The following LIMD1 variants were observed in gnomAD, a reference collection of about 807,000 sequenced individuals.
The protein encoded by LIMD1 is LIM domain containing 1.
A neutral mutation model predicts 58.4 loss-of-function variants in LIMD1; 23 were observed. The observed-to-expected ratio is 0.39, with a 90% confidence interval of 0.28 to 0.56. LIMD1 has a LOEUF of 0.56. Among genes scored for constraint, LIMD1 ranks in the 20% least tolerant of loss-of-function variants. The pLI is 0.57. For synonymous variants in LIMD1, 334 were observed against 345.5 expected (o/e 0.97, Z 0.37); for missense variants, 838 against 855.5 (o/e 0.98, Z 0.25).
At chr3:45,617,819 C>T (rs748541633) in intron 1 of LIMD1, among the ~76,000 whole-genome samples, 3 of 152,050 alleles carry the variant, frequency 2.0e-5, no homozygotes, top group Non-Finnish European at 4.4e-5. Context: ...GAAGGGCTGT[C>T]GGTGGGGAAA....
intron 1 of LIMD1, among the ~76,000 whole-genome samples, chr3:45,635,219 C>G (rs1259244344): frequency 6.6e-6 from 1 of 152,086 alleles, no homozygotes; most frequent in East Asian, 1.9e-4. Flanking sequence ...GCCCAGGTGA[C>G]AGAGTGAGAC....
At chr3:45,669,384 G>A (rs965040988) in intron 4 of LIMD1, among the ~76,000 whole-genome samples, 1 of 152,156 alleles carries the variant, frequency 6.6e-6, no homozygotes, top group Non-Finnish European at 1.5e-5. Context: ...TTTCATTCTA[G>A]AGAAGATAAT....
intron 2 of LIMD1, among the ~76,000 whole-genome samples, chr3:45,657,884 CAT>C (rs1697360909): frequency 1.3e-5 from 2 of 152,154 alleles, no homozygotes; most frequent in South Asian, 2.1e-4. Context: ...ATGACATTGA[CAT>C]GTGATGTGTT....
rs1387138404 is a variant in LIMD1 at position 45,665,839 on chromosome 3, C to T, written c.1578+122C>T. On this transcript the variant is annotated intron_variant, in intron 3 of 7. Transcript: ENST00000273317. The stretch of plus-strand genomic sequence containing the variant: ...TGCTGGAGAGAGGGGCCCTGCCTTT[C>T]CTTCTGTAGATACTTGGGGGTGGCC... The T allele has an allele frequency of 8.5e-5, 69 of 807,258 alleles. No individual in the cohort carries two copies. The South Asian group carries it at 1.1e-3, about 13-fold the overall frequency. 50.0% of individuals were successfully genotyped at this position (807,258 alleles called of 1,614,324 possible). A position where few individuals can be genotyped will look rare whatever the true frequency, so the allele number is the denominator to read the frequency against.
At chr3:45,634,175 C>T (rs1470220105) in intron 1 of LIMD1, among the ~76,000 whole-genome samples, 3 of 152,154 alleles carry the variant, frequency 2.0e-5, no homozygotes, top group African/African-American at 7.2e-5. Context: ...TAAAAAACTA[C>T]AGAAAATGTA....
In LIMD1 at chr3:45,595,746, T is replaced by C; in HGVS notation, c.867T>C (p.Pro289=). 1 of 1,614,086 alleles carries C rather than the reference T, an allele frequency of 6.2e-7. No homozygotes were observed. Among genetic ancestry groups the C allele is most frequent in the African/African-American group, 1.3e-5 (1 of 75,050 alleles). ...AGAACGGAGCACCAGCTGTGGGGCC[T>C]GTTCAGCCCAGGACCCCTTCTGTGT... ...NLENGAPAVG[P]VQPRTPSVSA... Residue 289 remains proline (P), a synonymous_variant, in exon 1 of 8, where the codon CCT becomes CCC. Transcript: ENST00000273317.
chr3:45,601,793 A>G (rs1158838233), intron 1 of LIMD1, among the ~76,000 whole-genome samples: 3 of 152,086 alleles, frequency 2.0e-5, no homozygotes, highest in Non-Finnish European at 2.9e-5. Context: ...TGCTCTGACC[A>G]CTTGCATGGT....
In LIMD1 at chr3:45,676,941, A is replaced by T; in HGVS notation, c.1913A>T (p.Asn638Ile). The T allele has an allele frequency of 6.2e-7, 1 of 1,614,140 alleles. No individual in the cohort carries two copies. The highest frequency in any genetic ancestry group is 1.7e-5 in the Admixed American group (1 of 60,036). ...YHCEDCGLELNDEDGHRCYPL... is the reference protein window; with the variant it reads ...YHCEDCGLELIDEDGHRCYPL... ...CCACAGGACTGTGGTCTGGAGCTCA[A>T]TGATGAAGATGGCCACCGCTGTTAT... Residue 638 changes from asparagine to isoleucine, a missense_variant, in exon 8 of 8, where the codon AAT (asparagine) becomes ATT (isoleucine). Transcript: ENST00000273317.
intron 2 of LIMD1, among the ~76,000 whole-genome samples, chr3:45,654,572 T>G (rs1450912472): frequency 6.6e-6 from 1 of 152,074 alleles, no homozygotes; most frequent in East Asian, 1.9e-4. Context: ...CTCACACCTG[T>G]AATCCCAGCA....
intron 2 of LIMD1, among the ~76,000 whole-genome samples, chr3:45,658,535 C>CTTTTTTTTTTTTTTTTTTTTTTTTTT (rs10572210): frequency 4.5e-5 from 2 of 44,736 alleles, no homozygotes; most frequent in Non-Finnish European, 9.0e-5. Context: ...CATGCAGATT[C>CTTTTTTTTTTTTTTTTTTTTTTTTTT]TTTTTTTTTT....
At position 45,677,224 on chromosome 3, in the gene LIMD1, C is replaced by T. The variant is rs1169458576; in HGVS notation, c.*165C>T. On this transcript the variant is annotated 3_prime_UTR_variant, in exon 8 of 8. Coordinates refer to ENST00000273317, the MANE Select transcript of LIMD1 (RefSeq NM_014240.3). The stretch of plus-strand genomic sequence containing the variant: ...CCTTTCCTTTAACCAGGGAGGTGAA[C>T]ACTACCTGCCTCCTGCGTGTATTTT... 2 of 644,236 alleles carry T rather than the reference C, an allele frequency of 3.1e-6. No individual in the cohort carries two copies. The highest frequency in any genetic ancestry group is 5.3e-6 in the Non-Finnish European group (2 of 378,714). 39.9% of individuals were successfully genotyped at this position (644,236 alleles called of 1,614,324 possible). A position where few individuals can be genotyped will look rare whatever the true frequency, so the allele number is the denominator to read the frequency against.
chr3:45,673,554 A>G, intron 6 of LIMD1, 49 bp downstream of exon 6: 2 of 1,388,308 alleles, frequency 1.4e-6, no homozygotes, highest in Non-Finnish European at 1.0e-6. Flanking sequence ...AGACATGAAT[A>G]TCTCCCTGGG....
chr3:45,667,458 G>T (rs1308057256), intron 3 of LIMD1, among the ~76,000 whole-genome samples: 1 of 151,786 alleles, frequency 6.6e-6, no homozygotes, highest in Admixed American at 6.6e-5. Context: ...GTTGCAGAAA[G>T]TTTCCCTTTT....
chr3:45,658,327 C>T (rs925820146), intron 2 of LIMD1, among the ~76,000 whole-genome samples: 5 of 151,982 alleles, frequency 3.3e-5, no homozygotes, highest in African/African-American at 1.2e-4. Flanking sequence ...CAGACGTAGT[C>T]CCCCAACCCC....
At chr3:45,631,821 G>A (rs1575352439) in intron 1 of LIMD1, among the ~76,000 whole-genome samples, 1 of 152,328 alleles carries the variant, frequency 6.6e-6, no homozygotes, top group East Asian at 1.9e-4. Context: ...GTAGGAGAGG[G>A]TGCTGGATTT....
rs1701327007 is a variant in LIMD1, at chr3:45,594,929, A to C, written c.50A>C (p.Asp17Ala). The C allele has an allele frequency of 6.2e-7, 1 of 1,612,860 alleles. No individual in the cohort carries two copies. Among genetic ancestry groups the C allele is most frequent in the South Asian group, 1.1e-5 (1 of 91,016 alleles). ...LGLEASKFIE[D>A]LNMYEASKDG... ...CTGGAGGCCAGTAAATTCATCGAGGACCTGAACATGTATGAGGCCTCTAAG... is the reference window on the plus strand; with the variant it reads ...CTGGAGGCCAGTAAATTCATCGAGGCCCTGAACATGTATGAGGCCTCTAAG... The change falls in exon 1 of 8, where the codon GAC becomes GCC. Residue 17 changes from aspartate (D) to alanine (A), a missense_variant. This residue lies in a region of LIMD1 where 659 missense variants were observed against 639.8 expected (regional missense o/e 1.03). Coordinates refer to ENST00000273317, the MANE Select transcript of LIMD1 (RefSeq NM_014240.3).
chr3:45,668,386 C>G (rs1697545235), intron 4 of LIMD1, 30 bp downstream of exon 4: 1 of 1,542,454 alleles, frequency 6.5e-7, no homozygotes, highest in African/African-American at 1.4e-5. Flanking sequence ...AAGAGAACAG[C>G]ATCTCAGGTG....
chr3:45,663,571 T>C (rs964755649), intron 2 of LIMD1, among the ~76,000 whole-genome samples: 1 of 152,178 alleles, frequency 6.6e-6, no homozygotes, highest in African/African-American at 2.4e-5. Context: ...ATTATAGATA[T>C]TGGGGTTATG....
chr3:45,656,709 G>A (rs557021496), intron 2 of LIMD1, among the ~76,000 whole-genome samples: 1 of 151,984 alleles, frequency 6.6e-6, no homozygotes, highest in East Asian at 1.9e-4. Context: ...GTAGGGACGG[G>A]GTTTCACCAT....
Sources: allele counts gnomAD v4.1 joint callset (sites outside exome capture counted in the v4.1 genomes callset), GRCh38; gene constraint gnomAD v4.1.1; regional missense constraint gnomAD v4.1.1; transcripts MANE v1.5; gene names NCBI Gene and HGNC (gene_info 2026-07-23, HGNC 2026-07-21).